Variants in KLHL26 observed in about 807,000 individuals in gnomAD.
KLHL26 encodes the protein kelch-like protein 26.
A neutral mutation model predicts 7.1 loss-of-function variants in KLHL26; 4 were observed. That is an observed-to-expected ratio of 0.56 (90% CI 0.28 to 1.28). The LOEUF is 1.28. KLHL26 is among the 50% of genes most tolerant of loss of function. The probability of loss-of-function intolerance (pLI) is 0.11; values close to 1 mark genes in which losing one functional copy is unlikely to be tolerated. For synonymous variants in KLHL26, 465 were observed against 414.1 expected (o/e 1.12, Z -1.49); for missense variants, 896 against 924.6 (o/e 0.97, Z 0.40).
intron 1 of KLHL26, among the ~76,000 whole-genome samples, chr19:18,653,201 G>C (rs974226326): frequency 2.0e-5 from 3 of 151,934 alleles, no homozygotes; most frequent in East Asian, 1.9e-4. Context: ...CTTCAGGGCC[G>C]GCCCAGCACA....
chr19:18,645,831 G>A (rs1257361849), intron 1 of KLHL26, among the ~76,000 whole-genome samples: 2 of 151,336 alleles, frequency 1.3e-5, no homozygotes, highest in Admixed American at 6.6e-5. Context: ...AAAAAAAGAA[G>A]TGATGGCTGG....
At chr19:18,641,439 C>T (rs1215610451) in intron 1 of KLHL26, among the ~76,000 whole-genome samples, 4 of 151,442 alleles carry the variant, frequency 2.6e-5, no homozygotes, top group African/African-American at 9.7e-5. Context: ...ATGTCTCAGC[C>T]TCCCGAGTAG....
At chr19:18,654,905 A>G (rs931245292) in intron 1 of KLHL26, among the ~76,000 whole-genome samples, 1 of 152,262 alleles carries the variant, frequency 6.6e-6, no homozygotes, top group Non-Finnish European at 1.5e-5. Flanking sequence ...GTTGACAAGC[A>G]TGACTGAGCT....
intron 1 of KLHL26, among the ~76,000 whole-genome samples, chr19:18,651,400 C>G (rs758066596): frequency 1.3e-5 from 2 of 152,240 alleles, no homozygotes; most frequent in Non-Finnish European, 2.9e-5. Context: ...GTCTGTGTCA[C>G]ATCCATATTT....
intron 1 of KLHL26, among the ~76,000 whole-genome samples, chr19:18,661,826 A>G (rs1455919404): frequency 6.6e-6 from 1 of 151,328 alleles, no homozygotes; most frequent in Non-Finnish European, 1.5e-5. Flanking sequence ...ACTGCAAGCG[A>G]GGCTGACTCT....
chr19:18,667,429 C>T lies in KLHL26; in HGVS notation c.267-235C>T, dbSNP rs149771993. The stretch of plus-strand genomic sequence containing the variant: ...GGAGTGCAGTGCCAGTGGTCTCGAT[C>T]TCCTGATCTCATGATCCACCCGCCT... On this transcript the variant is annotated intron_variant, in intron 2 of 2. Coordinates refer to ENST00000300976, the MANE Select transcript of KLHL26 (RefSeq NM_018316.3). 751 of 605,980 alleles carry T rather than the reference C, an allele frequency of 1.2e-3. 5 individuals carry two copies. The highest frequency in any genetic ancestry group is 0.012 in the African/African-American group (664 of 54,006). The allele number at this position is 605,980 out of a possible 1,614,324, so 37.5% of individuals were successfully genotyped here. A position where few individuals can be genotyped will look rare whatever the true frequency, so the allele number is the denominator to read the frequency against.
At chr19:18,645,190 C>A (rs1268958375) in intron 1 of KLHL26, among the ~76,000 whole-genome samples, 1 of 152,136 alleles carries the variant, frequency 6.6e-6, no homozygotes, top group African/African-American at 2.4e-5. Context: ...ACCAGCTGGC[C>A]TCCTCCCAGC....
At chr19:18,647,516 T>C (rs1976825664) in intron 1 of KLHL26, among the ~76,000 whole-genome samples, 1 of 151,662 alleles carries the variant, frequency 6.6e-6, no homozygotes, top group Non-Finnish European at 1.5e-5. Flanking sequence ...GATTTGGTGT[T>C]AAGAGGCCCT....
At position 18,650,328 on chromosome 19, in the gene KLHL26, G is replaced by A. The variant is rs1028273901; in HGVS notation, c.83+13191G>A. ...TGAGAGCGGGACATTTTCCCGGAGC[G>A]GGGTGGAAGGAGTGTCAAGGTGACT... On this transcript the variant is annotated intron_variant, in intron 1 of 2. Transcript: ENST00000300976. The surrounding 1 kb of genome is among the most constrained non-coding windows in gnomAD (Gnocchi z 4.2). Among the ~76,000 whole-genome samples, 7 of 152,198 alleles carry A rather than the reference G, an allele frequency of 4.6e-5. No homozygotes were observed. The highest frequency in any genetic ancestry group is 2.1e-4 in the South Asian group (1 of 4,830).
chr19:18,639,816 A>G (rs1976681867), intron 1 of KLHL26, among the ~76,000 whole-genome samples: 1 of 152,022 alleles, frequency 6.6e-6, no homozygotes, highest in Non-Finnish European at 1.5e-5. Context: ...GCTCGTCTGC[A>G]ATTAACCCTG....
Position 18,668,198 on chromosome 19 carries a change from G to C in KLHL26, c.801G>C (p.Thr267=), listed in dbSNP as rs373295163. The change falls in exon 3 of 3, where the codon ACG becomes ACC. Residue 267 remains threonine, a synonymous_variant. Transcript: ENST00000300976. ...QSSELVDSVQ[T]LDIMVEDVLC... is the part of the protein sequence containing the mutation. ...CCGAGCTGGTGGACAGCGTGCAGACGCTGGACATCATGGTGGAGGACGTGC... is the reference window on the plus strand; with the variant it reads ...CCGAGCTGGTGGACAGCGTGCAGACCCTGGACATCATGGTGGAGGACGTGC... 11 of 1,611,410 alleles carry C rather than the reference G, an allele frequency of 6.8e-6. No individual in the cohort carries two copies. The highest frequency in any genetic ancestry group is 9.3e-6 in the Non-Finnish European group (11 of 1,179,868).
At chr19:18,645,202 C>T (rs759258401) in intron 1 of KLHL26, among the ~76,000 whole-genome samples, 10 of 152,118 alleles carry the variant, frequency 6.6e-5, no homozygotes, top group South Asian at 2.1e-4. Context: ...CCTCCCAGCT[C>T]GGGCCGCGGG....
At chr19:18,651,656 G>A (rs1007183450) in intron 1 of KLHL26, among the ~76,000 whole-genome samples, 8 of 152,264 alleles carry the variant, frequency 5.3e-5, no homozygotes, top group Non-Finnish European at 1.2e-4. Flanking sequence ...AGTGCCATGT[G>A]GCAGCCCCGT....
chr19:18,661,459 A>T (rs1468725185), intron 1 of KLHL26, among the ~76,000 whole-genome samples: 3 of 152,064 alleles, frequency 2.0e-5, no homozygotes, highest in African/African-American at 7.2e-5. Context: ...TCATGGGCAG[A>T]TGCATATGTG....
Position 18,670,742 on chromosome 19 carries a change from T to G in KLHL26, c.*1497T>G, listed in dbSNP as rs183121414. ...GTTTTTTTGAGACGGAGCCTCGCTC[T>G]GTCACCCAGGCTGGAGTGCAGTGGC... On this transcript the variant is annotated 3_prime_UTR_variant, in exon 3 of 3. Transcript: ENST00000300976. 14 of 152,272 alleles carry G rather than the reference T, an allele frequency of 9.2e-5. No individual in the cohort carries two copies. Among genetic ancestry groups the G allele is most frequent in the African/African-American group, 3.4e-4 (14 of 41,524 alleles). The allele number at this position is 152,272 out of a possible 1,614,324, so 9.4% of individuals were successfully genotyped here.
At chr19:18,666,055 G>A (rs956572069) in intron 2 of KLHL26, among the ~76,000 whole-genome samples, 1 of 152,252 alleles carries the variant, frequency 6.6e-6, no homozygotes, top group Admixed American at 6.5e-5. Context: ...TGCAGCCAGC[G>A]AGACCTTAAA....
intron 2 of KLHL26, among the ~76,000 whole-genome samples, chr19:18,665,783 G>A (rs548916229): frequency 2.0e-5 from 3 of 152,308 alleles, no homozygotes; most frequent in South Asian, 4.1e-4. Flanking sequence ...ACCAGCAGGT[G>A]AGCCTCCTTC....
rs748779725 is a variant in KLHL26 at position 18,668,654 on chromosome 19, C to T, written c.1257C>T (p.Gly419=). The T allele has an allele frequency of 2.2e-5, 34 of 1,565,894 alleles. No homozygotes were observed. The highest frequency in any genetic ancestry group is 5.4e-5 in the Admixed American group (3 of 55,272). ...NVLCGMVYAT[G]GRNRAGSLAS... ...TGTGCGGCATGGTGTACGCCACGGG[C>T]GGCCGCAACCGAGCCGGCAGCCTGG... Residue 419 remains glycine (G), a synonymous_variant, in exon 3 of 3, where the codon GGC becomes GGT. Coordinates refer to ENST00000300976, the MANE Select transcript of KLHL26 (RefSeq NM_018316.3).
In KLHL26 at chr19:18,670,236, C is replaced by T. The variant is rs548783658; in HGVS notation, c.*991C>T. 6.6e-6 allele frequency: 1 copy of T among 152,352 alleles called. No individual in the cohort carries two copies. The highest frequency in any genetic ancestry group is 1.9e-4 in the East Asian group (1 of 5,194). The allele number at this position is 152,352 out of a possible 1,614,324, so 9.4% of individuals were successfully genotyped here. On this transcript the variant is annotated 3_prime_UTR_variant, in exon 3 of 3. Coordinates refer to ENST00000300976, the MANE Select transcript of KLHL26 (RefSeq NM_018316.3). ...TTTCCCTTCAAGGGCTCTGTGGTAT[C>T]TCTGGCCACATTTGTTCTAATGTCT...
Sources: gnomAD v4.1 joint callset for allele counts (sites outside exome capture counted in the v4.1 genomes callset) on GRCh38, gnomAD v4.1.1 for gene constraint, Gnocchi (gnomAD v3.1) non-coding constraint, MANE v1.5 for transcripts, NCBI Gene and HGNC (gene_info 2026-07-23, HGNC 2026-07-21) for gene names.